Variants in ZNF148 observed in about 807,000 individuals in gnomAD.
The protein encoded by ZNF148 is zinc finger protein 148.
In ZNF148, 7 loss-of-function variants were observed where a neutral mutation model predicts 67.7. That is an observed-to-expected ratio of 0.10 (90% CI 0.06 to 0.19). ZNF148 has a LOEUF of 0.19. Ranked by LOEUF, ZNF148 falls within the 10% of genes least tolerant of loss-of-function variation. The pLI, the probability that ZNF148 is intolerant of heterozygous loss-of-function variation, is 1.00. For synonymous variants in ZNF148, 333 were observed against 330.7 expected, an observed-to-expected ratio of 1.01 and a Z score of -0.08; for missense variants, 583 against 947.1, an observed-to-expected ratio of 0.62 and a Z score of 5.05.
chr3:125,360,311 G>A (rs149490144), intron 1 of ZNF148, among the ~76,000 whole-genome samples: 14 of 151,662 alleles, frequency 9.2e-5, no homozygotes, highest in Admixed American at 7.2e-4. Context: ...TTTTTAGACA[G>A]GGTCTCACTC....
chr3:125,320,235 T>C (rs2107687635), intron 3 of ZNF148, among the ~76,000 whole-genome samples: 1 of 152,294 alleles, frequency 6.6e-6, no homozygotes, highest in African/African-American at 2.4e-5. Context: ...CAATTGAAAA[T>C]TTAAAAATAA....
chr3:125,342,491 T>C (rs894206359), intron 1 of ZNF148, among the ~76,000 whole-genome samples: 1 of 151,910 alleles, frequency 6.6e-6, no homozygotes, highest in Non-Finnish European at 1.5e-5. Flanking sequence ...TTTTCAAATA[T>C]TGGAAAAAAT....
At chr3:125,336,431 T>C (rs1378599442) in intron 1 of ZNF148, among the ~76,000 whole-genome samples, 1 of 152,190 alleles carries the variant, frequency 6.6e-6, no homozygotes. Context: ...AGGCAAGAGA[T>C]TTCTATGAAT....
At chr3:125,263,247 T>C (rs1252192427) in intron 7 of ZNF148, among the ~76,000 whole-genome samples, 1 of 152,204 alleles carries the variant, frequency 6.6e-6, no homozygotes, top group East Asian at 1.9e-4. Context: ...GGTAATATTG[T>C]AGTATAAGAA....
chr3:125,232,208 G>T lies in ZNF148; in HGVS notation c.*133C>A. On this transcript the variant is annotated 3_prime_UTR_variant, in exon 9 of 9. Transcript: ENST00000360647. The surrounding 1 kb of genome is among the most constrained non-coding windows in gnomAD (Gnocchi z 4.2). ...CGAAATGCAGTTATTGGATTATCTT[G>T]CTATTCATATCAGCTTAACTTGTTA... 9.4e-7 allele frequency: 1 copy of T among 1,062,044 alleles called. No homozygotes were observed. 65.8% of individuals were successfully genotyped at this position (1,062,044 alleles called of 1,614,324 possible). A position where few individuals can be genotyped will look rare whatever the true frequency, so the allele number is the denominator to read the frequency against.
intron 7 of ZNF148, among the ~76,000 whole-genome samples, chr3:125,269,621 G>GA (rs957587830): frequency 6.0e-5 from 9 of 151,016 alleles, no homozygotes; most frequent in South Asian, 2.1e-4. Context: ...ATACCCAAAG[G>GA]AAAAAAAAAT....
In ZNF148 at chr3:125,233,255, C is replaced by G; in HGVS notation, c.1471G>C (p.Val491Leu). The part of the protein sequence containing the change: ...SNNSREYALN[V>L]GTIASQPSVT... ...GAAGGCTGAGAAGCTATGGTACCCA[C>G]ATTCAGCGCATATTCCCTGCTGTTG... The change falls in exon 9 of 9, where the codon GTG becomes CTG. Residue 491 changes from valine (V) to leucine (L), a missense_variant. Transcript: ENST00000360647. This position sits in a 1 kb window ranked among gnomAD's most constrained non-coding sequence, Gnocchi z 5.1. The G allele has an allele frequency of 1.9e-6, 3 of 1,613,920 alleles. No homozygotes were observed. Among genetic ancestry groups the G allele is most frequent in the Non-Finnish European group, 1.7e-6 (2 of 1,179,910 alleles).
At chr3:125,315,133 T>C (rs1940423032) in intron 3 of ZNF148, 1 of 152,206 alleles carries the variant, frequency 6.6e-6, no homozygotes, top group Non-Finnish European at 1.5e-5. Context: ...TTCAAAAATT[T>C]CATTTATCAC....
At chr3:125,354,839 A>G (rs367638780) in intron 1 of ZNF148, among the ~76,000 whole-genome samples, 17 of 152,368 alleles carry the variant, frequency 1.1e-4, no homozygotes, top group African/African-American at 4.1e-4. Context: ...ATGCTGAAGA[A>G]TTCAAAAATA....
rs60749723 is a variant in ZNF148 at position 125,275,936 on chromosome 3, C to A, written c.667+1790G>T. Among the ~76,000 whole-genome samples the A allele has an allele frequency of 2.2e-3, 335 of 152,282 alleles. 4 individuals carry two copies. In the South Asian group the frequency reaches 0.024, roughly 11 times the overall value. ...CTAAGAACGGACAGCACATGTGTCT[C>A]TTCCTCAGGGCACAATAGTATCTTG... On this transcript the variant is annotated intron_variant, in intron 7 of 8. Transcript: ENST00000360647.
chr3:125,265,212 C>T (rs558450405), intron 7 of ZNF148, among the ~76,000 whole-genome samples: 1 of 152,324 alleles, frequency 6.6e-6, no homozygotes, highest in Non-Finnish European at 1.5e-5. Context: ...AGACACTGAG[C>T]AAATTCTCCT....
chr3:125,281,005 C>G (rs934096266), intron 5 of ZNF148, among the ~76,000 whole-genome samples: 2 of 152,012 alleles, frequency 1.3e-5, no homozygotes, highest in Non-Finnish European at 2.9e-5. Context: ...AAGGGCAGTA[C>G]GTAAGGGAAA....
intron 7 of ZNF148, among the ~76,000 whole-genome samples, chr3:125,245,598 A>C (rs1936561289): frequency 6.6e-6 from 1 of 152,158 alleles, no homozygotes; most frequent in Non-Finnish European, 1.5e-5. Context: ...AAATGAGAGA[A>C]CTGTACAGCT....
At chr3:125,313,779 C>A in intron 3 of ZNF148, 123 bp from the exon 4 acceptor site, 1 of 766,938 alleles carries the variant, frequency 1.3e-6, no homozygotes, top group Non-Finnish European at 2.0e-6. Flanking sequence ...TACTTTGGAA[C>A]TGCCTCCAAT....
intron 4 of ZNF148, among the ~76,000 whole-genome samples, chr3:125,291,297 A>G (rs1346058115): frequency 2.0e-5 from 3 of 152,078 alleles, no homozygotes; most frequent in Non-Finnish European, 4.4e-5. Flanking sequence ...TTTCCTTAAC[A>G]TTTCCTCAGT....
At chr3:125,291,441 C>T (rs1939006451) in intron 4 of ZNF148, among the ~76,000 whole-genome samples, 1 of 152,060 alleles carries the variant, frequency 6.6e-6, no homozygotes, top group African/African-American at 2.4e-5. Context: ...TACCATCACT[C>T]CTCTCCATTT....
chr3:125,370,134 C>G (rs1425325557), intron 1 of ZNF148, among the ~76,000 whole-genome samples: 1 of 151,854 alleles, frequency 6.6e-6, no homozygotes, highest in African/African-American at 2.4e-5. Flanking sequence ...AACCAGCACC[C>G]TGCTACAGAC....
rs566631445 is a variant in ZNF148, at chr3:125,228,332, A to T, written c.*4009T>A. On this transcript the variant is annotated 3_prime_UTR_variant, in exon 9 of 9. Coordinates refer to ENST00000360647, the MANE Select transcript of ZNF148 (RefSeq NM_021964.3). ...GCTTAGTGAAAGTGAGTACAGATGA[A>T]GTCAGATTTAGCCTGTCTCCCCTGC... 1 of 152,736 alleles carries T rather than the reference A, an allele frequency of 6.5e-6. No homozygotes were observed. Among genetic ancestry groups the T allele is most frequent in the African/African-American group, 2.4e-5 (1 of 41,582 alleles). The allele number at this position is 152,736 out of a possible 1,614,324, so 9.5% of individuals were successfully genotyped here.
intron 7 of ZNF148, among the ~76,000 whole-genome samples, chr3:125,235,137 G>A (rs1402203839): frequency 1.3e-5 from 2 of 152,118 alleles, no homozygotes; most frequent in African/African-American, 4.8e-5. Flanking sequence ...AATAATGCTT[G>A]TTGGGGAAAC....
Sources: gnomAD v4.1 joint callset for allele counts (sites outside exome capture counted in the v4.1 genomes callset) on GRCh38, gnomAD v4.1.1 for gene constraint, Gnocchi (gnomAD v3.1) non-coding constraint, MANE v1.5 for transcripts, NCBI Gene and HGNC (gene_info 2026-07-23, HGNC 2026-07-21) for gene names.